The following TGM2 variants were observed in gnomAD, a reference collection of about 807,000 sequenced individuals.
TGM2 encodes the protein transglutaminase 2.
Under a neutral mutation model 75.6 loss-of-function variants are expected in TGM2, and 53 were observed. The observed-to-expected ratio is 0.70, with a 90% CI of 0.56 to 0.88. The LOEUF is 0.88. Ranked by LOEUF, TGM2 falls within the 40% of genes least tolerant of loss-of-function variation. TGM2 has a pLI of 0.00. For synonymous variants in TGM2, 374 were observed against 381.1 expected (o/e 0.98, Z 0.22); for missense variants, 842 against 928.5 (o/e 0.91, Z 1.21).
chr20:38,161,788 C>CT (rs985376189), intron 1 of TGM2, among the ~76,000 whole-genome samples, 189 bp from the exon 2 acceptor site: 3 of 151,992 alleles, frequency 2.0e-5, no homozygotes, highest in South Asian at 2.1e-4. Context: ...CTCCCTAACT[C>CT]TTTTTTTTCT....
chr20:38,150,939 C>T lies in TGM2; in HGVS notation c.552G>A (p.Gln184=). The change falls in exon 4 of 13, where the codon CAG becomes CAA. Residue 184 remains glutamine (Q), a splice_region_variant and synonymous_variant. Coordinates refer to ENST00000361475, the MANE Select transcript of TGM2 (RefSeq NM_004613.4). ...GGGAGAGACAGGGTGTGGCCCTTAC[C>T]TGCCCAAAATTCCAAGGTATGTTCT... ...FIKNIPWNFG[Q]FEDGILDICL... The T allele has an allele frequency of 6.2e-7, 1 of 1,612,460 alleles. No homozygotes were observed. The highest frequency in any genetic ancestry group is 2.2e-5 in the East Asian group (1 of 44,878).
At chr20:38,153,386 G>A (rs147169984) in intron 3 of TGM2, among the ~76,000 whole-genome samples, 53 of 152,186 alleles carry the variant, frequency 3.5e-4, no homozygotes, top group Admixed American at 9.8e-4. Flanking sequence ...TTAGCCCGGC[G>A]TGGTGGTGCA....
At chr20:38,161,262 C>T (rs1600521481) in intron 2 of TGM2, among the ~76,000 whole-genome samples, 158 bp downstream of exon 2, 2 of 152,324 alleles carry the variant, frequency 1.3e-5, no homozygotes, top group South Asian at 4.1e-4. Flanking sequence ...TCAGTTCCCT[C>T]ATCTCTAAAA....
chr20:38,163,147 G>C (rs1254618279), intron 1 of TGM2, among the ~76,000 whole-genome samples: 1 of 152,198 alleles, frequency 6.6e-6, no homozygotes, highest in African/African-American at 2.4e-5. Context: ...GGCACGGTCA[G>C]GGTGACAGAT....
intron 2 of TGM2, among the ~76,000 whole-genome samples, chr20:38,156,600 C>A (rs370244897): frequency 6.6e-6 from 1 of 152,260 alleles, no homozygotes; most frequent in Non-Finnish European, 1.5e-5. Context: ...CCTCTGAGAG[C>A]CCCTTGCTGT....
At chr20:38,168,111 C>T (rs1257470438), upstream of TGM2, among the ~76,000 whole-genome samples, 1 of 152,190 alleles carries the variant, frequency 6.6e-6, no homozygotes, top group African/African-American at 2.4e-5. Flanking sequence ...AGGCCTGTCC[C>T]GCACCCAGCC....
intron 11 of TGM2, among the ~76,000 whole-genome samples, chr20:38,131,790 G>A (rs531916353): frequency 5.3e-5 from 8 of 152,232 alleles, no homozygotes; most frequent in South Asian, 2.1e-4. Flanking sequence ...TGATGATGGC[G>A]ATGATAAGGA....
chr20:38,130,526 C>T (rs2122840245), intron 12 of TGM2, among the ~76,000 whole-genome samples, 157 bp from the exon 13 acceptor site: 1 of 152,298 alleles, frequency 6.6e-6, no homozygotes, highest in Admixed American at 6.5e-5. Flanking sequence ...ACAATCTGCC[C>T]TCCTAGAGTG....
intron 2 of TGM2, among the ~76,000 whole-genome samples, chr20:38,159,017 G>A (rs761281302): frequency 2.0e-5 from 3 of 152,162 alleles, no homozygotes; most frequent in Admixed American, 6.5e-5. Context: ...CAGGGGCTGC[G>A]GAAGTGACCG....
chr20:38,161,388 G>A lies in TGM2; in HGVS notation c.190+32C>T, dbSNP rs1306278147. ...GTGGAGAGGAAGTGGTGGTGGTGGT[G>A]GTGGTGGTGGAGTGGGGTTGCAGGT... On this transcript the variant is annotated intron_variant, in intron 2 of 12. Coordinates refer to ENST00000361475, the MANE Select transcript of TGM2 (RefSeq NM_004613.4). The A allele has an allele frequency of 3.7e-6, 6 of 1,611,236 alleles. No homozygotes were observed. In the East Asian group the frequency reaches 1.1e-4, roughly 30 times the overall value.
In TGM2 at chr20:38,141,262, G is replaced by A. The variant is rs371085989; in HGVS notation, c.1099+20C>T. On this transcript the variant is annotated intron_variant, in intron 8 of 12. Transcript: ENST00000361475. ...CTCGTCTTCCCCATCTGTTTGACGC[G>A]ACAGTGCCCGCCCACGCACCTTCGC... The A allele has an allele frequency of 1.6e-5, 25 of 1,547,868 alleles. No individual in the cohort carries two copies. Among genetic ancestry groups the A allele is most frequent in the East Asian group, 2.4e-5 (1 of 41,450 alleles).
At chr20:38,130,933 T>C (rs1478775692) in intron 12 of TGM2, among the ~76,000 whole-genome samples, 160 bp downstream of exon 12, 4 of 152,030 alleles carry the variant, frequency 2.6e-5, no homozygotes. Flanking sequence ...AATGTGACGG[T>C]GGGAACTCTA....
intron 11 of TGM2, among the ~76,000 whole-genome samples, chr20:38,131,777 T>A (rs974755975): frequency 3.3e-5 from 5 of 152,134 alleles, no homozygotes; most frequent in Non-Finnish European, 7.4e-5. Flanking sequence ...AGGGCTATAA[T>A]GATGATGATG....
chr20:38,164,614 T>A (rs1375927284), intron 1 of TGM2, among the ~76,000 whole-genome samples: 1 of 152,126 alleles, frequency 6.6e-6, no homozygotes, highest in Non-Finnish European at 1.5e-5. Context: ...ATAAGGACAC[T>A]GTTGTCCTTA....
intron 3 of TGM2, among the ~76,000 whole-genome samples, chr20:38,151,414 A>G (rs1241332487): frequency 1.3e-5 from 2 of 152,288 alleles, no homozygotes; most frequent in East Asian, 3.9e-4. Context: ...TTTTATAGCT[A>G]GGAAAACTGA....
intron 8 of TGM2, 131 bp from the exon 9 acceptor site, chr20:38,139,785 A>G: frequency 1.6e-6 from 2 of 1,241,556 alleles, no homozygotes; most frequent in Non-Finnish European, 2.2e-6. Context: ...GAAGGACTCC[A>G]CTTCCAGGAG....
upstream of TGM2, among the ~76,000 whole-genome samples, chr20:38,166,846 G>A (rs2075314620): frequency 6.6e-6 from 1 of 152,162 alleles, no homozygotes; most frequent in Admixed American, 6.5e-5. Context: ...AGAGATTGTT[G>A]CAGAAACTGC....
intron 10 of TGM2, chr20:38,137,883 C>G: frequency 2.1e-6 from 2 of 954,674 alleles, no homozygotes; most frequent in Non-Finnish European, 3.0e-6. Context: ...CCTCTCTGTG[C>G]CTCAGTCTAC....
chr20:38,161,706 C>T (rs1405712180), intron 1 of TGM2, 107 bp from the exon 2 acceptor site: 2 of 1,333,322 alleles, frequency 1.5e-6, no homozygotes, highest in Non-Finnish European at 2.1e-6. Flanking sequence ...TTACTCCCCA[C>T]AAAGCACAGC....
Sources: gnomAD v4.1 joint callset for allele counts (sites outside exome capture counted in the v4.1 genomes callset) on GRCh38, gnomAD v4.1.1 for gene constraint, MANE v1.5 for transcripts, NCBI Gene and HGNC (gene_info 2026-07-23, HGNC 2026-07-21) for gene names.